Variants in DPP6 observed in about 807,000 individuals in gnomAD.
The protein encoded by DPP6 is A-type potassium channel modulatory protein DPP6.
In DPP6, 69 loss-of-function variants were observed where a neutral mutation model predicts 122.6. The observed-to-expected ratio is 0.56, with a 90% CI of 0.46 to 0.69. The LOEUF is 0.69. DPP6 is among the 30% of genes least tolerant of loss of function. The probability of loss-of-function intolerance (pLI) is 0.00; values close to 1 mark genes in which losing one functional copy is unlikely to be tolerated. For missense variants in DPP6, 928 were observed against 1,116.9 expected, an observed-to-expected ratio of 0.83 and a Z score of 2.41; for synonymous variants, 418 against 433.1, an observed-to-expected ratio of 0.97 and a Z score of 0.43.
intron 5 of DPP6, among the ~76,000 whole-genome samples, chr7:154,612,485 G>A (rs1833972379): frequency 8.0e-6 from 1 of 125,536 alleles, no homozygotes; most frequent in Non-Finnish European, 1.8e-5. Flanking sequence ...TGTATCCATA[G>A]CGGGTTCCTT....
At chr7:154,099,286 A>C (rs1289221216) in intron 1 of DPP6, among the ~76,000 whole-genome samples, 1 of 152,250 alleles carries the variant, frequency 6.6e-6, no homozygotes. Context: ...ATTGAATGCC[A>C]AATATATTCC....
chr7:154,329,640 A>G (rs1808745232), intron 1 of DPP6, among the ~76,000 whole-genome samples: 1 of 152,354 alleles, frequency 6.6e-6, no homozygotes, highest in South Asian at 2.1e-4. Context: ...TCAAGGGCCT[A>G]GAACCAGAAA....
At chr7:154,857,801 C>T (rs1264767107) in intron 17 of DPP6, among the ~76,000 whole-genome samples, 3 of 152,114 alleles carry the variant, frequency 2.0e-5, no homozygotes, top group African/African-American at 4.8e-5. Flanking sequence ...ATCAGGCAGC[C>T]GACAAAGCCA....
At chr7:154,746,299 C>G (rs1390199956) in intron 8 of DPP6, among the ~76,000 whole-genome samples, 1 of 152,170 alleles carries the variant, frequency 6.6e-6, no homozygotes, top group East Asian at 1.9e-4. Flanking sequence ...CTCCTCTGAT[C>G]CTTTGACCAA....
intron 1 of DPP6, among the ~76,000 whole-genome samples, chr7:154,062,374 C>T (rs10265303): frequency 0.14 from 342 of 2,442 alleles, 4 homozygotes; most frequent in Non-Finnish European, 0.17. Context: ...TCCCCTCTTC[C>T]GCCCCTGGCT....
chr7:154,490,454 T>C (rs1824182295), intron 3 of DPP6, among the ~76,000 whole-genome samples: 1 of 152,206 alleles, frequency 6.6e-6, no homozygotes, highest in Non-Finnish European at 1.5e-5. Context: ...GGGTAAAGGA[T>C]GAGTTTGTCA....
chr7:153,962,621 G>A (rs1025786659), intron 1 of DPP6, among the ~76,000 whole-genome samples: 3 of 152,104 alleles, frequency 2.0e-5, no homozygotes, highest in African/African-American at 7.2e-5. Context: ...TCTAGATGAA[G>A]CCCACAGAGA....
At chr7:154,306,661 C>T (rs1172097254) in intron 1 of DPP6, among the ~76,000 whole-genome samples, 1 of 152,168 alleles carries the variant, frequency 6.6e-6, no homozygotes, top group Non-Finnish European at 1.5e-5. Context: ...GGTCATTTCC[C>T]AAAGCCCATT....
intron 1 of DPP6, among the ~76,000 whole-genome samples, chr7:153,980,777 C>A (rs1271522092): frequency 1.3e-5 from 2 of 152,054 alleles, no homozygotes; most frequent in African/African-American, 2.4e-5. Context: ...AAAGAACTTA[C>A]TTATTTCTGC....
chr7:154,401,325 G>C (rs980944570), intron 1 of DPP6, among the ~76,000 whole-genome samples: 9 of 152,130 alleles, frequency 5.9e-5, no homozygotes, highest in Admixed American at 5.9e-4. Flanking sequence ...AGAAGAAATA[G>C]AGACATTTTA....
At chr7:153,933,384 C>G (rs932649026) in intron 1 of DPP6, among the ~76,000 whole-genome samples, 3 of 152,298 alleles carry the variant, frequency 2.0e-5, no homozygotes, top group Non-Finnish European at 2.9e-5. Flanking sequence ...GGACGCTCCC[C>G]TTTTGTTCTG....
chr7:153,848,656 TAA>T, the DPP6 span, among the ~76,000 whole-genome samples: 1 of 152,242 alleles, frequency 6.6e-6, no homozygotes, highest in Non-Finnish European at 1.5e-5. Context: ...CCAGAGATTA[TAA>T]GTTTAGTTTG....
At chr7:153,912,372 G>A (rs917481702) in intron 1 of DPP6, among the ~76,000 whole-genome samples, 4 of 152,168 alleles carry the variant, frequency 2.6e-5, no homozygotes, top group African/African-American at 4.8e-5. Flanking sequence ...CCCAGGGAGC[G>A]AGAGCTTCAT....
intron 3 of DPP6, among the ~76,000 whole-genome samples, chr7:154,508,463 G>A (rs1054414547): frequency 1.3e-5 from 2 of 152,164 alleles, no homozygotes; most frequent in Admixed American, 1.3e-4. Context: ...AGAGAATGGT[G>A]AGGCTGTCAC....
chr7:153,923,570 G>A (rs993883985), intron 1 of DPP6, among the ~76,000 whole-genome samples: 2 of 151,910 alleles, frequency 1.3e-5, no homozygotes, highest in Admixed American at 6.6e-5. Context: ...GACCATCCTG[G>A]CTAATATGGT....
chr7:154,696,821 G>T (rs1484142060), intron 7 of DPP6, among the ~76,000 whole-genome samples: 1 of 152,224 alleles, frequency 6.6e-6, no homozygotes. Context: ...GCCAAAGGCC[G>T]ATTATGGAGA....
chr7:154,234,681 G>A (rs891889788), intron 1 of DPP6, among the ~76,000 whole-genome samples: 2 of 151,970 alleles, frequency 1.3e-5, no homozygotes, highest in Non-Finnish European at 2.9e-5. Context: ...ACACACACAT[G>A]CACACACACT....
chr7:154,510,907 A>C (rs1036804595), intron 3 of DPP6, among the ~76,000 whole-genome samples: 2 of 145,630 alleles, frequency 1.4e-5, no homozygotes, highest in South Asian at 2.2e-4. Flanking sequence ...CTCTCTCTCT[A>C]TGACTCTCTT....
chr7:154,397,932 A>G (rs932200601), intron 1 of DPP6, among the ~76,000 whole-genome samples: 1 of 152,190 alleles, frequency 6.6e-6, no homozygotes, highest in African/African-American at 2.4e-5. Flanking sequence ...CCTTTCAGTC[A>G]ATCTTTTAAA....
Sources: allele counts gnomAD v4.1 joint callset (sites outside exome capture counted in the v4.1 genomes callset), GRCh38; gene constraint gnomAD v4.1.1; transcripts MANE v1.5; gene names NCBI Gene and HGNC (gene_info 2026-07-23, HGNC 2026-07-21).